TTC34: variants seen among roughly 807,000 people sequenced by gnomAD.
TTC34 encodes tetratricopeptide repeat protein 34.
In TTC34, 44 loss-of-function variants were observed where a neutral mutation model predicts 40.7. The ratio of observed to expected loss-of-function variants is 1.08; its 90% confidence interval spans 0.85 to 1.39. The LOEUF (loss-of-function observed/expected upper bound fraction) is 1.39. Among genes scored for constraint, TTC34 ranks in the 40% most tolerant of loss-of-function variants. The pLI, the probability that TTC34 is intolerant of heterozygous loss-of-function variation, is 0.00. For synonymous variants in TTC34, 422 were observed against 398.6 expected (o/e 1.06, Z -0.70); for missense variants, 884 against 838.0 (o/e 1.05, Z -0.68).
intron 6 of TTC34, among the ~76,000 whole-genome samples, chr1:2,773,165 G>A (rs564967330): frequency 9.0e-6 from 1 of 111,376 alleles, no homozygotes. Flanking sequence ...ACAGCCTGGA[G>A]CAGCGCCCAC....
rs1449485459 is a variant in TTC34, at chr1:2,752,624, C to T, written c.2226+30985G>A. 2.3e-4 allele frequency among the ~76,000 whole-genome samples: 27 copies of T among 118,532 alleles called. 6 individuals carry two copies. The highest frequency in any genetic ancestry group is 1.0e-3 in the African/African-American group (27 of 26,554). 77.8% of individuals were successfully genotyped at this position (118,532 alleles called of 152,430 possible). The stretch of plus-strand genomic sequence containing the variant: ...AACAGGACAAACACCCCCAGGCGAG[C>T]ATCTGACACCCTGGAACTGCACACA... On this transcript the variant is annotated intron_variant, in intron 6 of 8. Transcript: ENST00000401095.
At chr1:2,769,634 C>A (rs527863793) in intron 6 of TTC34, among the ~76,000 whole-genome samples, 3 of 140,584 alleles carry the variant, frequency 2.1e-5, no homozygotes, top group Admixed American at 2.1e-4. Context: ...CCCACACCCC[C>A]AGGTGAGCAT....
intron 6 of TTC34, among the ~76,000 whole-genome samples, chr1:2,752,401 G>A (rs1301638668): frequency 1.8e-4 from 6 of 33,580 alleles, no homozygotes; most frequent in African/African-American, 3.3e-4. Flanking sequence ...GCATGTAACA[G>A]CACCCACACA....
intron 6 of TTC34, among the ~76,000 whole-genome samples, chr1:2,654,561 C>A (rs796352738): frequency 9.6e-5 from 14 of 146,314 alleles, no homozygotes; most frequent in Admixed American, 3.4e-4. Context: ...CGGCCTGGAA[C>A]GGCACCCACA....
chr1:2,776,016 A>G (rs1207669702), intron 6 of TTC34: 1 of 119,688 alleles, frequency 8.4e-6, no homozygotes, highest in Non-Finnish European at 1.6e-5. Context: ...AGGTGAGCAT[A>G]TGACAGCCCG....
At chr1:2,799,727 A>G (rs923693367) in intron 2 of TTC34, among the ~76,000 whole-genome samples, 47 of 152,190 alleles carry the variant, frequency 3.1e-4, no homozygotes, top group Non-Finnish European at 8.8e-5. Context: ...GGGGAGCCCA[A>G]GCTCTTGCTC....
rs1363216604 is a variant in TTC34, at chr1:2,750,335, C to A, written c.2226+33274G>T. ...AACTGCACCCCCATGCCCAGGTGAG[C>A]CTCTGACAGCCTTGAACAGCACCCT... is the stretch of plus-strand genomic sequence containing the variant. On this transcript the variant is annotated intron_variant, in intron 6 of 8. Transcript: ENST00000401095. 1.4e-4 allele frequency among the ~76,000 whole-genome samples: 12 copies of A among 85,480 alleles called. 4 individuals carry two copies. Among genetic ancestry groups the A allele is most frequent in the Middle Eastern group, 0.018 (2 of 112 alleles). The allele number at this position is 85,480 out of a possible 152,430, so 56.1% of individuals were successfully genotyped here. A position where few individuals can be genotyped will look rare whatever the true frequency, so the allele number is the denominator to read the frequency against.
chr1:2,783,838 C>T (rs557742199), intron 5 of TTC34, 63 bp from the exon 6 acceptor site: 3 of 1,356,178 alleles, frequency 2.2e-6, no homozygotes, highest in East Asian at 2.9e-5. Flanking sequence ...AGCATCTATC[C>T]TGCCCAGCCC....
At chr1:2,677,405 C>CT (rs1639944823) in intron 6 of TTC34, among the ~76,000 whole-genome samples, 1 of 132,320 alleles carries the variant, frequency 7.6e-6, no homozygotes, top group African/African-American at 2.8e-5. Context: ...GAGCAGCACC[C>CT]ACAGCCCAAG....
chr1:2,676,828 C>G (rs1256311699), intron 6 of TTC34, among the ~76,000 whole-genome samples: 1 of 9,564 alleles, frequency 1.0e-4, no homozygotes, highest in East Asian at 4.9e-3. Flanking sequence ...CATCTGACGG[C>G]CTGGAACAGC....
intron 6 of TTC34, among the ~76,000 whole-genome samples, chr1:2,651,714 C>G (rs1043017037): frequency 4.6e-5 from 7 of 151,904 alleles, no homozygotes; most frequent in Non-Finnish European, 7.4e-5. Context: ...CAGCACCACC[C>G]CTCTCCAACC....
At chr1:2,784,140 G>T (rs1224687138) in intron 5 of TTC34, among the ~76,000 whole-genome samples, 1 of 152,182 alleles carries the variant, frequency 6.6e-6, no homozygotes, top group Non-Finnish European at 1.5e-5. Flanking sequence ...CAAGACGAGG[G>T]GGGCAGGGTA....
intron 6 of TTC34, among the ~76,000 whole-genome samples, chr1:2,687,869 C>A (rs563958511): frequency 6.9e-6 from 1 of 143,972 alleles, no homozygotes; most frequent in South Asian, 2.2e-4. Flanking sequence ...ATCTGACAGC[C>A]TGGAACAGAA....
chr1:2,692,439 T>G (rs797005909), intron 6 of TTC34, among the ~76,000 whole-genome samples: 3 of 52,358 alleles, frequency 5.7e-5, no homozygotes, highest in Non-Finnish European at 9.3e-5. Context: ...GGTGAGCATC[T>G]GACTGCCTGG....
intron 6 of TTC34, among the ~76,000 whole-genome samples, chr1:2,758,280 G>C (rs1641572600): frequency 8.5e-6 from 1 of 117,770 alleles, no homozygotes; most frequent in Non-Finnish European, 1.7e-5. Flanking sequence ...CACACCCCCA[G>C]GCGAGCATCT....
intron 6 of TTC34, among the ~76,000 whole-genome samples, chr1:2,698,751 T>A (rs1470521341): frequency 2.1e-5 from 3 of 144,874 alleles, no homozygotes; most frequent in African/African-American, 7.7e-5. Flanking sequence ...TCCGACAGCC[T>A]GGAGCAGGAC....
At chr1:2,749,024 C>A in intron 6 of TTC34, among the ~76,000 whole-genome samples, 1 of 150,172 alleles carries the variant, frequency 6.7e-6, no homozygotes, top group Non-Finnish European at 1.5e-5. Flanking sequence ...ATCTGACAGC[C>A]TGGAACAGCA....
chr1:2,787,547 T>C (rs56328393), exon 4 of TTC34: 43,335 of 1,540,312 alleles, frequency 0.028, 1,999 homozygotes, highest in African/African-American at 0.21. Context: ...GCACAGGGGC[T>C]GCCTGGGGCC....
intron 7 of TTC34, 52 bp from the exon 8 acceptor site, chr1:2,644,530 G>A (rs1160776619): frequency 1.5e-5 from 22 of 1,485,394 alleles, no homozygotes; most frequent in Admixed American, 6.1e-5. Flanking sequence ...GCAGAGGTGC[G>A]AGAGAGCTGA....
Sources: gnomAD v4.1 joint callset for allele counts (sites outside exome capture counted in the v4.1 genomes callset) on GRCh38, gnomAD v4.1.1 for gene constraint, MANE v1.5 for transcripts, NCBI Gene and HGNC (gene_info 2026-07-23, HGNC 2026-07-21) for gene names.